Variants in QTMAN observed in about 807,000 individuals in gnomAD.
The protein encoded by QTMAN is tRNA-queuosine alpha-mannosyltransferase.
the QTMAN span, among the ~76,000 whole-genome samples, chr2:143,972,442 GT>G: frequency 5.4e-5 from 8 of 148,682 alleles, no homozygotes; most frequent in South Asian, 2.1e-4. Flanking sequence ...ATATGGCTGG[GT>G]TTTTTTTTTA....
the QTMAN span, among the ~76,000 whole-genome samples, chr2:144,239,216 A>G: frequency 6.6e-6 from 1 of 152,204 alleles, no homozygotes; most frequent in Non-Finnish European, 1.5e-5. Context: ...ACAAGCTATC[A>G]ATATAGAAAC....
chr2:144,187,342 T>C, the QTMAN span, among the ~76,000 whole-genome samples: 1 of 152,216 alleles, frequency 6.6e-6, no homozygotes, highest in South Asian at 2.1e-4. Context: ...AGAAGCATCC[T>C]GGCCTTTTAA....
At chr2:144,287,375 CAGTG>C in the QTMAN span, among the ~76,000 whole-genome samples, 2 of 149,808 alleles carry the variant, frequency 1.3e-5, no homozygotes, top group African/African-American at 4.9e-5. Context: ...GCAGAGCTTG[CAGTG>C]AGTGAGCCAA....
the QTMAN span, among the ~76,000 whole-genome samples, chr2:144,217,607 T>G: frequency 5.9e-5 from 9 of 152,206 alleles, no homozygotes; most frequent in Admixed American, 5.9e-4. Flanking sequence ...TCAATTTTTT[T>G]GTTAGAATCT....
At chr2:143,994,384 A>G in the QTMAN span, among the ~76,000 whole-genome samples, 1 of 152,192 alleles carries the variant, frequency 6.6e-6, no homozygotes, top group South Asian at 2.1e-4. Context: ...TTCCACTGCT[A>G]GGTATCTAAC....
At chr2:144,299,620 A>C in the QTMAN span, among the ~76,000 whole-genome samples, 437 of 152,336 alleles carry the variant, frequency 2.9e-3, 1 homozygote, top group Non-Finnish European at 4.4e-3. Flanking sequence ...AATTTTTTAA[A>C]AATTTAAAAA....
the QTMAN span, among the ~76,000 whole-genome samples, chr2:143,972,442 GTTTT>G: frequency 1.3e-5 from 2 of 148,598 alleles, no homozygotes; most frequent in Non-Finnish European, 3.0e-5. Context: ...ATATGGCTGG[GTTTT>G]TTTTTTAATT....
At chr2:144,323,756 T>C in the QTMAN span, among the ~76,000 whole-genome samples, 1 of 152,184 alleles carries the variant, frequency 6.6e-6, no homozygotes, top group African/African-American at 2.4e-5. Context: ...ACTCAAAAAT[T>C]GGTCTAATTT....
the QTMAN span, among the ~76,000 whole-genome samples, chr2:144,101,159 T>C: frequency 5.9e-5 from 9 of 152,190 alleles, no homozygotes; most frequent in African/African-American, 9.7e-5. Context: ...TGAGCCACCG[T>C]GCCCGGCCCA....
the QTMAN span, among the ~76,000 whole-genome samples, chr2:144,314,223 C>A: frequency 6.6e-6 from 1 of 152,080 alleles, no homozygotes; most frequent in South Asian, 2.1e-4. Flanking sequence ...ACAGAATGAA[C>A]CACTAATACA....
the QTMAN span, among the ~76,000 whole-genome samples, chr2:144,133,796 C>A: frequency 5.3e-5 from 8 of 151,064 alleles, no homozygotes; most frequent in East Asian, 1.6e-3. Flanking sequence ...TCAAAAGAAA[C>A]ACGTTTTTGC....
At chr2:143,954,941 T>C in the QTMAN span, among the ~76,000 whole-genome samples, 1 of 152,208 alleles carries the variant, frequency 6.6e-6, no homozygotes, top group South Asian at 2.1e-4. Flanking sequence ...TTCAGATCTA[T>C]TCACTTCAAT....
the QTMAN span, among the ~76,000 whole-genome samples, chr2:144,166,788 C>A: frequency 6.6e-6 from 1 of 152,112 alleles, no homozygotes; most frequent in African/African-American, 2.4e-5. Context: ...CTCTAACATT[C>A]TTCAGACTCC....
chr2:144,301,551 T>C, the QTMAN span, among the ~76,000 whole-genome samples: 16 of 152,124 alleles, frequency 1.1e-4, no homozygotes, highest in Admixed American at 2.0e-4. Flanking sequence ...TAACAAACTA[T>C]GAATTTCCAT....
the QTMAN span, among the ~76,000 whole-genome samples, chr2:144,019,448 G>GTGTGTC: frequency 7.4e-6 from 1 of 135,616 alleles, no homozygotes; most frequent in Non-Finnish European, 1.5e-5. Flanking sequence ...GTGTGTGTGT[G>GTGTGTC]TGTGTGTGTG....
the QTMAN span, among the ~76,000 whole-genome samples, chr2:143,974,038 T>C: frequency 6.6e-6 from 1 of 152,172 alleles, no homozygotes; most frequent in Non-Finnish European, 1.5e-5. Flanking sequence ...TTCTAGAAAA[T>C]TTAATGTGAA....
At chr2:144,141,788 TA>T in the QTMAN span, 1 of 916,050 alleles carries the variant, frequency 1.1e-6, no homozygotes, top group Non-Finnish European at 1.7e-6. Context: ...ATACTTATGC[TA>T]AAAAGTTAAA....
the QTMAN span, among the ~76,000 whole-genome samples, chr2:143,991,417 C>T: frequency 1.3e-5 from 2 of 150,980 alleles, no homozygotes; most frequent in African/African-American, 2.5e-5. Flanking sequence ...CCAGCTGCCC[C>T]GTCCGGGAGG....
the QTMAN span, chr2:143,940,235 A>C: frequency 6.6e-6 from 1 of 152,220 alleles, no homozygotes; most frequent in East Asian, 1.9e-4. Flanking sequence ...TACGATTCTT[A>C]AGTTACAATT....
Sources: allele counts gnomAD v4.1 joint callset (sites outside exome capture counted in the v4.1 genomes callset), GRCh38; gene constraint gnomAD v4.1.1; transcripts MANE v1.5; gene names NCBI Gene and HGNC (gene_info 2026-07-23, HGNC 2026-07-21).